The following ADCY9 variants were observed in gnomAD, a reference collection of about 807,000 sequenced individuals.
The protein encoded by ADCY9 is adenylate cyclase 9.
A neutral mutation model predicts 101.5 loss-of-function variants in ADCY9; 50 were observed. The observed-to-expected ratio is 0.49, with a 90% CI of 0.39 to 0.62. ADCY9 has a LOEUF of 0.62. Among genes scored for constraint, ADCY9 ranks in the 20% least tolerant of loss-of-function variants. The pLI is 0.00. For synonymous variants in ADCY9, 905 were observed against 769.3 expected, an observed-to-expected ratio of 1.18 and a Z score of -2.92; for missense variants, 1,662 against 1,800.4, an observed-to-expected ratio of 0.92 and a Z score of 1.39.
rs551701224 is a variant in ADCY9, at chr16:3,978,474, T to G, written c.2679+642A>C. On this transcript the variant is annotated intron_variant, in intron 8 of 10. Transcript: ENST00000294016. The stretch of plus-strand genomic sequence containing the variant: ...ACAAGTCAATTCTGTGTGCCAGGTA[T>G]GCTTCTCGCATGGTTAGGAAAGGTG... Among the ~76,000 whole-genome samples the G allele has an allele frequency of 1.1e-4, 16 of 152,342 alleles. No homozygotes were observed. In the East Asian group the frequency reaches 3.1e-3, roughly 29 times the overall value.
intron 2 of ADCY9, among the ~76,000 whole-genome samples, chr16:4,083,350 G>A (rs1597214895): frequency 2.0e-5 from 3 of 152,108 alleles, no homozygotes; most frequent in African/African-American, 2.4e-5. Context: ...TAAAAAAGAC[G>A]AACAGCAGCA....
chr16:4,091,394 T>C (rs750561024), intron 2 of ADCY9, among the ~76,000 whole-genome samples: 4 of 152,090 alleles, frequency 2.6e-5, no homozygotes, highest in Non-Finnish European at 5.9e-5. Context: ...ATTTTAAAAG[T>C]GGCAGAGGTT....
At chr16:3,996,367 CAT>C (rs540835409) in intron 3 of ADCY9, among the ~76,000 whole-genome samples, 1 of 152,038 alleles carries the variant, frequency 6.6e-6, no homozygotes, top group Non-Finnish European at 1.5e-5. Flanking sequence ...TCTCAAAATA[CAT>C]ATATATATGT....
chr16:3,957,085 CA>C (rs2055910793), intron 5 of ADCY9, among the ~76,000 whole-genome samples: 5 of 152,038 alleles, frequency 3.3e-5, no homozygotes, highest in Admixed American at 6.6e-5. Context: ...ACATTAAACT[CA>C]CACCCTCCCC....
downstream of ADCY9, among the ~76,000 whole-genome samples, chr16:3,961,424 G>A (rs1157595526): frequency 6.6e-6 from 1 of 151,668 alleles, no homozygotes; most frequent in Non-Finnish European, 1.5e-5. Flanking sequence ...CTCCAGCCTG[G>A]GTGACAAAAT....
Position 4,115,520 on chromosome 16 carries a change from C to A in ADCY9, c.-43-35G>T. On this transcript the variant is annotated intron_variant, in intron 1 of 10. Coordinates refer to ENST00000294016, the MANE Select transcript of ADCY9 (RefSeq NM_001116.4). The surrounding 1 kb of genome is among the most constrained non-coding windows in gnomAD (Gnocchi z 6.2). ...AAACGGGGAGAGTTAGCGGCGCTCC[C>A]ACCTAGGCATGCACGCCTAGAGGCC... 2 of 1,450,448 alleles carry A rather than the reference C, an allele frequency of 1.4e-6. No individual in the cohort carries two copies. Among genetic ancestry groups the A allele is most frequent in the Admixed American group, 2.6e-5 (1 of 38,574 alleles). 89.8% of individuals were successfully genotyped at this position (1,450,448 alleles called of 1,614,324 possible). A position where few individuals can be genotyped will look rare whatever the true frequency, so the allele number is the denominator to read the frequency against.
chr16:4,032,396 G>A (rs888820516), intron 2 of ADCY9, among the ~76,000 whole-genome samples: 2 of 152,170 alleles, frequency 1.3e-5, no homozygotes, highest in Non-Finnish European at 2.9e-5. Flanking sequence ...CAGGACGGCT[G>A]CTGGGTGGCT....
intron 6 of ADCY9, chr16:3,984,224 G>C (rs1292892534): frequency 6.6e-6 from 1 of 152,258 alleles, no homozygotes; most frequent in South Asian, 2.1e-4. Context: ...AGTTGGACGA[G>C]AGCAATGTGC....
intron 4 of ADCY9, among the ~76,000 whole-genome samples, chr16:3,993,183 C>T (rs186430351): frequency 6.6e-4 from 101 of 152,304 alleles, no homozygotes; most frequent in African/African-American, 2.2e-3. Flanking sequence ...AAAGGAATCC[C>T]GCCCAGCTCA....
intron 2 of ADCY9, among the ~76,000 whole-genome samples, chr16:4,049,443 G>T (rs2056686834): frequency 6.6e-6 from 1 of 152,068 alleles, no homozygotes; most frequent in South Asian, 2.1e-4. Context: ...CCCTAGCCGA[G>T]CCCAAGGATG....
intron 3 of ADCY9, 30 bp from the exon 4 acceptor site, chr16:3,993,540 C>G: frequency 6.2e-7 from 1 of 1,607,242 alleles, no homozygotes; most frequent in Non-Finnish European, 8.5e-7. Flanking sequence ...TGTGGGGACA[C>G]ACCCAGAAAC....
chr16:3,996,898 T>C (rs1251871159), intron 3 of ADCY9, among the ~76,000 whole-genome samples: 1 of 152,170 alleles, frequency 6.6e-6, no homozygotes, highest in Non-Finnish European at 1.5e-5. Flanking sequence ...TGAGTCTCGC[T>C]CTGTCACCCA....
At chr16:4,055,529 G>A (rs2056731797) in intron 2 of ADCY9, among the ~76,000 whole-genome samples, 1 of 148,752 alleles carries the variant, frequency 6.7e-6, no homozygotes, top group Non-Finnish European at 1.5e-5. Context: ...GCAAGACTCT[G>A]TCTCAAAAAG....
chr16:4,113,873 C>T lies in ADCY9; in HGVS notation c.1570G>A (p.Gly524Arg), dbSNP rs1272349904. ...GAAATGTGAACTTTGCCGGCCACTC[C>T]CAGCTGCTCCATGAGATTGGCCAGG... ...VNLANLMEQLGVAGKVHISEA... is the reference protein window; with the variant it reads ...VNLANLMEQLRVAGKVHISEA... The change falls in exon 2 of 11, where the codon GGA (glycine) becomes AGA (arginine). Residue 524 changes from glycine to arginine, a missense_variant. Physicochemically the swap from Gly to Arg is moderately radical, Grantham distance 125. Coordinates refer to ENST00000294016, the MANE Select transcript of ADCY9 (RefSeq NM_001116.4). The T allele has an allele frequency of 6.2e-7, 1 of 1,614,060 alleles. No homozygotes were observed. Among genetic ancestry groups the T allele is most frequent in the Non-Finnish European group, 8.5e-7 (1 of 1,180,042 alleles).
At chr16:4,089,744 G>A (rs1334440330) in intron 2 of ADCY9, among the ~76,000 whole-genome samples, 1 of 151,884 alleles carries the variant, frequency 6.6e-6, no homozygotes, top group African/African-American at 2.4e-5. Context: ...TGGTTTCTTC[G>A]TGCTCACATC....
intron 2 of ADCY9, among the ~76,000 whole-genome samples, chr16:4,042,622 TATTA>T (rs1262348787): frequency 1.3e-5 from 2 of 152,186 alleles, no homozygotes; most frequent in African/African-American, 2.4e-5. Flanking sequence ...GATTTATAAA[TATTA>T]ATTATCTGAA....
intron 2 of ADCY9, among the ~76,000 whole-genome samples, chr16:4,075,227 C>G (rs2056859553): frequency 6.6e-6 from 1 of 152,198 alleles, no homozygotes; most frequent in Admixed American, 6.5e-5. Flanking sequence ...CAACCTCCGC[C>G]TCCCGGGTTC....
At chr16:4,020,924 G>C (rs975159440) in intron 2 of ADCY9, among the ~76,000 whole-genome samples, 19 of 151,828 alleles carry the variant, frequency 1.3e-4, no homozygotes, top group Admixed American at 1.2e-3. Flanking sequence ...GGAAACATTT[G>C]AACGTTTTCA....
At chr16:4,030,920 T>C (rs2056550995) in intron 2 of ADCY9, among the ~76,000 whole-genome samples, 1 of 152,158 alleles carries the variant, frequency 6.6e-6, no homozygotes, top group Admixed American at 6.6e-5. Flanking sequence ...CTTCAAACTG[T>C]ACACTTATGC....
Sources: gnomAD v4.1 joint callset for allele counts (sites outside exome capture counted in the v4.1 genomes callset) on GRCh38, gnomAD v4.1.1 for gene constraint, Gnocchi (gnomAD v3.1) non-coding constraint, MANE v1.5 for transcripts, NCBI Gene and HGNC (gene_info 2026-07-23, HGNC 2026-07-21) for gene names.